HKDC1: variants seen among roughly 807,000 people sequenced by gnomAD.
HKDC1 encodes the protein hexokinase HKDC1.
Under a neutral mutation model 96.6 loss-of-function variants are expected in HKDC1, and 66 were observed. The ratio of observed to expected loss-of-function variants is 0.68; its 90% CI spans 0.56 to 0.84. HKDC1 has a LOEUF of 0.84. Ranked by LOEUF, HKDC1 falls within the 40% of genes least tolerant of loss-of-function variation. The pLI is 0.00. For missense variants in HKDC1, 1,211 were observed against 1,208.1 expected, an observed-to-expected ratio of 1.00 and a Z score of -0.04; for synonymous variants, 466 against 473.1, an observed-to-expected ratio of 0.98 and a Z score of 0.20.
intron 2 of HKDC1, chr10:69,232,404 G>A (rs1305932452): frequency 4.5e-6 from 1 of 223,788 alleles, no homozygotes; most frequent in East Asian, 1.2e-4. Context: ...GGGAGCACCA[G>A]CTCTCTCTTC....
chr10:69,220,376 T>C lies in HKDC1; in HGVS notation c.-60T>C. ...GGAAGCGTGCAACACTCCAGAGTCG[T>C]AGGAGTGAACACTGCACAGGAATCT... On this transcript the variant is annotated 5_prime_UTR_variant, in exon 1 of 18. Coordinates refer to ENST00000354624, the MANE Select transcript of HKDC1 (RefSeq NM_025130.4). The C allele has an allele frequency of 2.2e-6, 3 of 1,341,700 alleles. No homozygotes were observed. Among genetic ancestry groups the C allele is most frequent in the South Asian group, 2.8e-5 (2 of 71,708 alleles). 83.1% of individuals were successfully genotyped at this position (1,341,700 alleles called of 1,614,324 possible). A position where few individuals can be genotyped will look rare whatever the true frequency, so the allele number is the denominator to read the frequency against.
Position 69,240,764 on chromosome 10 carries a change from G to A in HKDC1, c.691+13G>A. The A allele has an allele frequency of 6.2e-7, 1 of 1,607,500 alleles. No individual in the cohort carries two copies. Among genetic ancestry groups the A allele is most frequent in the South Asian group, 1.1e-5 (1 of 90,932 alleles). On this transcript the variant is annotated intron_variant, in intron 6 of 17. Transcript: ENST00000354624. ...GGTGTCATCATCGGTAACTCAATTGGACTGGTTTTTTGAGGGTAGGGGAGA... is the reference window on the plus strand; with the variant it reads ...GGTGTCATCATCGGTAACTCAATTGAACTGGTTTTTTGAGGGTAGGGGAGA...
chr10:69,244,232 A>G (rs934453167), intron 7 of HKDC1, among the ~76,000 whole-genome samples: 5 of 152,042 alleles, frequency 3.3e-5, no homozygotes, highest in African/African-American at 1.2e-4. Context: ...ATCACTCTTT[A>G]AGTACTTCCT....
intron 9 of HKDC1, 94 bp downstream of exon 9, chr10:69,247,687 G>A: frequency 1.1e-6 from 1 of 944,500 alleles, no homozygotes; most frequent in South Asian, 1.6e-5. Context: ...CTGGGGTCTG[G>A]AACCAACAAC....
intron 12 of HKDC1, among the ~76,000 whole-genome samples, chr10:69,253,486 C>T (rs984730799): frequency 2.0e-5 from 3 of 152,204 alleles, no homozygotes; most frequent in Non-Finnish European, 2.9e-5. Flanking sequence ...GGGTTATGGG[C>T]TCCTGTTTTG....
At chr10:69,225,189 A>G (rs1161428981) in intron 1 of HKDC1, among the ~76,000 whole-genome samples, 2 of 152,194 alleles carry the variant, frequency 1.3e-5, no homozygotes, top group African/African-American at 4.8e-5. Context: ...CATGGCAGGG[A>G]TAACATTGTG....
At chr10:69,253,750 G>A (rs1025896610) in intron 12 of HKDC1, among the ~76,000 whole-genome samples, 4 of 152,166 alleles carry the variant, frequency 2.6e-5, no homozygotes, top group Admixed American at 2.0e-4. Context: ...TGGTAATGGT[G>A]GTGAGGAAGG....
Position 69,233,104 on chromosome 10 carries a change from T to C in HKDC1, c.466T>C (p.Phe156Leu). 6.2e-7 allele frequency: 1 copy of C among 1,614,120 alleles called. No homozygotes were observed. Among genetic ancestry groups the C allele is most frequent in the Non-Finnish European group, 8.5e-7 (1 of 1,180,036 alleles). The change falls in exon 4 of 18, where the codon TTC becomes CTC. Residue 156 changes from phenylalanine to leucine, a missense_variant. Physicochemically the swap from Phe to Leu is conservative, Grantham distance 22. Coordinates refer to ENST00000354624, the MANE Select transcript of HKDC1 (RefSeq NM_025130.4). ...ATTGCCCCTTGGCCTAACTTTTTCT[T>C]TCCCCTGTCGACAGACTAAACTGGA... The part of the protein sequence containing the change: ...KKLPLGLTFS[F>L]PCRQTKLEEG...
At chr10:69,243,503 T>A in intron 7 of HKDC1, 138 bp downstream of exon 7, 1 of 750,524 alleles carries the variant, frequency 1.3e-6, no homozygotes, top group Non-Finnish European at 2.0e-6. Flanking sequence ...TTTTTCCTTT[T>A]TTTTTTTTTT....
chr10:69,243,537 C>T (rs1589409950), intron 7 of HKDC1, among the ~76,000 whole-genome samples, 172 bp downstream of exon 7: 1 of 145,762 alleles, frequency 6.9e-6, no homozygotes, highest in African/African-American at 2.6e-5. Context: ...CACTCTCTAG[C>T]CCAGGCTGAA....
chr10:69,256,307 G>A (rs1290432090), intron 12 of HKDC1, among the ~76,000 whole-genome samples: 1 of 152,188 alleles, frequency 6.6e-6, no homozygotes, highest in African/African-American at 2.4e-5. Flanking sequence ...GATCCATACT[G>A]TTGGAGTTTT....
At chr10:69,256,962 T>C in intron 12 of HKDC1, 74 bp from the exon 13 acceptor site, 2 of 1,107,520 alleles carry the variant, frequency 1.8e-6, no homozygotes. Flanking sequence ...GTGCTTTGCA[T>C]CTGTTGGATG....
chr10:69,247,712 C>A, intron 9 of HKDC1, 119 bp downstream of exon 9: 1 of 756,726 alleles, frequency 1.3e-6, no homozygotes. Context: ...CTTGTTGGTT[C>A]TGAGATTACA....
chr10:69,249,958 C>CT (rs1843611388), intron 10 of HKDC1, among the ~76,000 whole-genome samples: 1 of 152,200 alleles, frequency 6.6e-6, no homozygotes, highest in Non-Finnish European at 1.5e-5. Flanking sequence ...CCTTGCCTCT[C>CT]TTGCTCAAGA....
chr10:69,240,214 G>C, intron 5 of HKDC1, among the ~76,000 whole-genome samples: 1 of 152,160 alleles, frequency 6.6e-6, no homozygotes, highest in Non-Finnish European at 1.5e-5. Flanking sequence ...AGGAGGCTGA[G>C]GCAGGAGGAT....
intron 7 of HKDC1, 61 bp from the exon 8 acceptor site, chr10:69,246,018 C>T (rs1483869505): frequency 6.3e-6 from 10 of 1,590,644 alleles, no homozygotes; most frequent in African/African-American, 1.3e-5. Context: ...TCCTGGTCTT[C>T]GGGAAATGAT....
intron 1 of HKDC1, among the ~76,000 whole-genome samples, chr10:69,222,343 T>G (rs1011136339): frequency 2.0e-5 from 3 of 151,360 alleles, no homozygotes; most frequent in African/African-American, 7.3e-5. Flanking sequence ...TGTAGCAAAT[T>G]TAAAAACATT....
At chr10:69,222,302 T>G (rs1001852021) in intron 1 of HKDC1, among the ~76,000 whole-genome samples, 2 of 152,232 alleles carry the variant, frequency 1.3e-5, no homozygotes, top group African/African-American at 4.8e-5. Context: ...TCCCACTAAA[T>G]TCTATTCATT....
intron 10 of HKDC1, 46 bp from the exon 11 acceptor site, chr10:69,250,244 C>T (rs1450617501): frequency 1.3e-6 from 2 of 1,586,886 alleles, no homozygotes; most frequent in East Asian, 4.5e-5. Flanking sequence ...AATGCCCCGA[C>T]ACAAGTCCCT....
Sources: allele counts gnomAD v4.1 joint callset (sites outside exome capture counted in the v4.1 genomes callset), GRCh38; gene constraint gnomAD v4.1.1; transcripts MANE v1.5; gene names NCBI Gene and HGNC (gene_info 2026-07-23, HGNC 2026-07-21).